ECT2: variants seen among roughly 807,000 people sequenced by gnomAD.
ECT2 encodes the protein epithelial cell transforming 2.
In ECT2, 61 loss-of-function variants were observed where a neutral mutation model predicts 116.9. The observed-to-expected ratio is 0.52, with a 90% CI of 0.42 to 0.65. ECT2 has a LOEUF of 0.65. Among genes scored for constraint, ECT2 ranks in the 30% least tolerant of loss-of-function variants. The probability of loss-of-function intolerance (pLI) is 0.00; values close to 1 mark genes in which losing one functional copy is unlikely to be tolerated. For synonymous variants in ECT2, 358 were observed against 346.4 expected, an observed-to-expected ratio of 1.03 and a Z score of -0.37; for missense variants, 937 against 1,078.7, an observed-to-expected ratio of 0.87 and a Z score of 1.84.
At chr3:172,814,782 T>C (rs961943025) in intron 22 of ECT2, among the ~76,000 whole-genome samples, 10 of 152,186 alleles carry the variant, frequency 6.6e-5, no homozygotes, top group Non-Finnish European at 1.2e-4. Context: ...TCACCTAATA[T>C]ACTCATTCCT....
In ECT2 at chr3:172,786,549, A is replaced by G. The variant is rs199586643; in HGVS notation, c.1882A>G (p.Ile628Val). ...AGACAAAAGCACTTTAGAAAAAGCTATTGGATCACTGAAGGAAGTAATGAC... is the reference window on the plus strand; with the variant it reads ...AGACAAAAGCACTTTAGAAAAAGCTGTTGGATCACTGAAGGAAGTAATGAC... ...NPDKSTLEKA[I>V]GSLKEVMTHI... The change falls in exon 18 of 25, where the codon ATT becomes GTT. Residue 628 changes from isoleucine to valine, a missense_variant. Coordinates refer to ENST00000392692, the MANE Select transcript of ECT2 (RefSeq NM_001258315.2). The G allele has an allele frequency of 3.6e-5, 58 of 1,610,514 alleles. No individual in the cohort carries two copies. The East Asian group carries it at 8.3e-4, about 23-fold the overall frequency.
intron 4 of ECT2, among the ~76,000 whole-genome samples, chr3:172,756,194 GT>G (rs1345598334): frequency 2.0e-5 from 3 of 152,068 alleles, no homozygotes; most frequent in African/African-American, 7.2e-5. Flanking sequence ...TTCATTCTAG[GT>G]TAGGGCTTCA....
At chr3:172,772,917 T>C (rs1289228762) in intron 13 of ECT2, among the ~76,000 whole-genome samples, 1 of 152,234 alleles carries the variant, frequency 6.6e-6, no homozygotes, top group African/African-American at 2.4e-5. Context: ...TACTTGACCA[T>C]ATTTGCATGA....
chr3:172,755,516 A>G lies in ECT2; in HGVS notation c.244A>G (p.Ile82Val). 1 of 1,508,206 alleles carries G rather than the reference A, an allele frequency of 6.6e-7. No individual in the cohort carries two copies. The highest frequency in any genetic ancestry group is 8.9e-7 in the Non-Finnish European group (1 of 1,118,164). The allele number at this position is 1,508,206 out of a possible 1,614,324, so 93.4% of individuals were successfully genotyped here. ...AATAATGGAAGTCCCTGTTATAAAGATAAAAGAAAGTTGTCCTGGAAAATC... is the reference window on the plus strand; with the variant it reads ...AATAATGGAAGTCCCTGTTATAAAGGTAAAAGAAAGTTGTCCTGGAAAATC... ...IKIMEVPVIK[I>V]KESCPGKSDE... Residue 82 changes from isoleucine to valine, a missense_variant, in exon 4 of 25, where the codon ATA becomes GTA. Transcript: ENST00000392692.
rs1312900012 is a variant in ECT2, at chr3:172,820,480, T to C, written c.*243T>C. ...ATTTATCTCTTGTTTGAATCTGTCA[T>C]TCAAAGGCCAATAATTTAAGTTGCT... On this transcript the variant is annotated 3_prime_UTR_variant, in exon 25 of 25. Transcript: ENST00000392692. The C allele has an allele frequency of 1.0e-5, 3 of 290,872 alleles. No individual in the cohort carries two copies. Among genetic ancestry groups the C allele is most frequent in the Admixed American group, 9.9e-5 (2 of 20,210 alleles). The allele number at this position is 290,872 out of a possible 1,614,324, so 18.0% of individuals were successfully genotyped here.
At chr3:172,818,663 A>T in intron 24 of ECT2, 1 of 1,289,402 alleles carries the variant, frequency 7.8e-7, no homozygotes, top group Non-Finnish European at 1.0e-6. Context: ...TCTGTACGTC[A>T]TTCTGCTTTC....
chr3:172,822,882 A>C (rs1208425447), downstream of ECT2, among the ~76,000 whole-genome samples: 1 of 152,100 alleles, frequency 6.6e-6, no homozygotes, highest in Non-Finnish European at 1.5e-5. Flanking sequence ...AAAATGGGAC[A>C]TGAATATCCA....
chr3:172,762,924 C>T lies in ECT2; in HGVS notation c.1020C>T (p.Ser340=), dbSNP rs1011058816. The T allele has an allele frequency of 6.2e-7, 1 of 1,613,834 alleles. No homozygotes were observed. Among genetic ancestry groups the T allele is most frequent in the East Asian group, 2.2e-5 (1 of 44,826 alleles). Residue 340 remains serine, a synonymous_variant, in exon 11 of 25, where the codon AGC becomes AGT. Coordinates refer to ENST00000392692, the MANE Select transcript of ECT2 (RefSeq NM_001258315.2). ...YVVKQEWFWG[S]IQMDARAGET... ...CTCTCACCTAGTGGTTCTGGGGAAG[C>T]ATTCAAATGGATGCCCGAGCTGGAG...
intron 12 of ECT2, among the ~76,000 whole-genome samples, chr3:172,767,997 G>T (rs545434835): frequency 6.6e-6 from 1 of 152,274 alleles, no homozygotes; most frequent in East Asian, 1.9e-4. Context: ...CTCCCAAAGC[G>T]TTGGGATTAC....
chr3:172,752,515 T>C (rs377576047), intron 1 of ECT2: 1 of 152,236 alleles, frequency 6.6e-6, no homozygotes, highest in African/African-American at 2.4e-5. Context: ...AAACATTCTT[T>C]TAAGGGGACT....
intron 20 of ECT2, among the ~76,000 whole-genome samples, chr3:172,804,169 T>C (rs1446109198): frequency 6.6e-6 from 1 of 152,126 alleles, no homozygotes; most frequent in African/African-American, 2.4e-5. Flanking sequence ...TATCAAAGTA[T>C]TGCCTTCTTA....
chr3:172,754,473 T>G, intron 1 of ECT2, 36 bp from the exon 2 acceptor site: 4 of 1,436,720 alleles, frequency 2.8e-6, no homozygotes, highest in Non-Finnish European at 3.7e-6. Context: ...CCAATGACCA[T>G]GTTTATGTAT....
At chr3:172,760,044 ATG>A (rs1717915460) in intron 6 of ECT2, 110 bp from the exon 7 acceptor site, 1 of 561,790 alleles carries the variant, frequency 1.8e-6, no homozygotes, top group African/African-American at 2.0e-5. Context: ...AAAATCCCGT[ATG>A]TATTTTATAA....
intron 18 of ECT2, among the ~76,000 whole-genome samples, chr3:172,792,306 GCTTA>G (rs1214327860): frequency 6.6e-6 from 1 of 152,170 alleles, no homozygotes; most frequent in South Asian, 2.1e-4. Context: ...ACACAGGGTT[GCTTA>G]CAAACGTTCA....
At chr3:172,828,985 A>G in the ECT2 span, 5 of 1,144,606 alleles carry the variant, frequency 4.4e-6, no homozygotes, top group East Asian at 2.4e-5. Context: ...TGCTGTGTCA[A>G]TGTCCCAGGA....
At position 172,820,325 on chromosome 3, in the gene ECT2, C is replaced by G; in HGVS notation, c.*88C>G. 1.2e-6 allele frequency: 1 copy of G among 864,000 alleles called. No individual in the cohort carries two copies. 53.5% of individuals were successfully genotyped at this position (864,000 alleles called of 1,614,324 possible). ...ACTTAAATGGTACTTGTAATTAGCA[C>G]TTGGTGAAAGCTGGAAGGAAGATAA... On this transcript the variant is annotated 3_prime_UTR_variant, in exon 25 of 25. Transcript: ENST00000392692.
intron 13 of ECT2, among the ~76,000 whole-genome samples, chr3:172,770,399 G>A (rs886914042): frequency 2.0e-5 from 3 of 152,114 alleles, no homozygotes; most frequent in African/African-American, 7.2e-5. Context: ...AAAATCTCAC[G>A]AAATTATTAG....
intron 13 of ECT2, among the ~76,000 whole-genome samples, chr3:172,769,466 A>G (rs912300303): frequency 6.6e-6 from 1 of 152,174 alleles, no homozygotes; most frequent in Non-Finnish European, 1.5e-5. Flanking sequence ...GAAGTGATAG[A>G]TAACTTTTTC....
intron 24 of ECT2, among the ~76,000 whole-genome samples, chr3:172,819,929 C>G (rs969799571): frequency 2.6e-5 from 4 of 152,020 alleles, no homozygotes; most frequent in African/African-American, 9.7e-5. Flanking sequence ...GTTAACTAGT[C>G]TAGCTATTTG....
Sources: gnomAD v4.1 joint callset for allele counts (sites outside exome capture counted in the v4.1 genomes callset) on GRCh38, gnomAD v4.1.1 for gene constraint, MANE v1.5 for transcripts, NCBI Gene and HGNC (gene_info 2026-07-23, HGNC 2026-07-21) for gene names.